WNT11: variants seen among roughly 807,000 people sequenced by gnomAD.
The protein encoded by WNT11 is protein Wnt-11.
In WNT11, 20 loss-of-function variants were observed where a neutral mutation model predicts 35.6. That is an observed-to-expected ratio of 0.56 (90% CI 0.40 to 0.82). The LOEUF (loss-of-function observed/expected upper bound fraction) is 0.82. Ranked by LOEUF, WNT11 falls within the 40% of genes least tolerant of loss-of-function variation. The pLI is 0.00. For synonymous variants in WNT11, 200 were observed against 211.9 expected (o/e 0.94, Z 0.49); for missense variants, 459 against 504.4 (o/e 0.91, Z 0.86).
At chr11:76,201,839 G>T (rs142119841) in intron 1 of WNT11, among the ~76,000 whole-genome samples, 4 of 152,302 alleles carry the variant, frequency 2.6e-5, no homozygotes, top group Non-Finnish European at 5.9e-5. Context: ...TGACTTCACT[G>T]AGGTATTTTC....
upstream of WNT11, chr11:76,206,729 G>A (rs113636438): frequency 4.3e-5 from 10 of 232,674 alleles, no homozygotes; most frequent in African/African-American, 2.1e-4. Flanking sequence ...GAGCCCCTCT[G>A]GCCGGGGCAG....
chr11:76,210,661 C>T (rs1199067414), upstream of WNT11: 2 of 985,126 alleles, frequency 2.0e-6, no homozygotes, highest in African/African-American at 3.5e-5. Flanking sequence ...AGGACCCGCG[C>T]GGAGTCAGGC....
At chr11:76,195,790 C>A (rs1003794789) in intron 2 of WNT11, among the ~76,000 whole-genome samples, 1 of 152,220 alleles carries the variant, frequency 6.6e-6, no homozygotes, top group Non-Finnish European at 1.5e-5. Flanking sequence ...TAACAGCTAC[C>A]TCACAGGCTG....
At chr11:76,197,904 C>G (rs58198198) in intron 1 of WNT11, among the ~76,000 whole-genome samples, 1 of 152,208 alleles carries the variant, frequency 6.6e-6, no homozygotes, top group Non-Finnish European at 1.5e-5. Context: ...AGTGCCCCCA[C>G]CCACAGCAGA....
At chr11:76,191,532 C>T in intron 4 of WNT11, 32 bp downstream of exon 4, 2 of 1,596,786 alleles carry the variant, frequency 1.3e-6, no homozygotes, top group Middle Eastern at 1.7e-4. Context: ...ACACCAGTGA[C>T]CCTTTCCCAC....
chr11:76,203,545 C>T (rs528290742), intron 1 of WNT11, among the ~76,000 whole-genome samples: 21 of 152,332 alleles, frequency 1.4e-4, no homozygotes, highest in African/African-American at 4.6e-4. Context: ...CCTGGGACCC[C>T]GAATACTTGA....
intron 4 of WNT11, among the ~76,000 whole-genome samples, chr11:76,190,271 C>G (rs543879780): frequency 1.5e-4 from 23 of 152,236 alleles, no homozygotes; most frequent in African/African-American, 5.1e-4. Flanking sequence ...CAGGAAGACC[C>G]TTTCTTCACT....
At chr11:76,210,395 C>A (rs1319415098), upstream of WNT11, 3 of 980,396 alleles carry the variant, frequency 3.1e-6, no homozygotes, top group African/African-American at 5.3e-5. Flanking sequence ...GAAGCGTCGT[C>A]CCCCTCGGAC....
chr11:76,193,436 G>A (rs1953217393), intron 3 of WNT11, among the ~76,000 whole-genome samples: 1 of 152,222 alleles, frequency 6.6e-6, no homozygotes. Context: ...CGTGGCCATG[G>A]TGGTGGGCGT....
Position 76,194,547 on chromosome 11 carries a change from T to C in WNT11, c.597+20A>G. 1.8e-6 allele frequency: 1 copy of C among 566,644 alleles called. No individual in the cohort carries two copies. The highest frequency in any genetic ancestry group is 2.7e-6 in the Non-Finnish European group (1 of 374,426). 35.1% of individuals were successfully genotyped at this position (566,644 alleles called of 1,614,324 possible). A position where few individuals can be genotyped will look rare whatever the true frequency, so the allele number is the denominator to read the frequency against. On this transcript the variant is annotated intron_variant, in intron 3 of 4. Coordinates refer to ENST00000322563, the MANE Select transcript of WNT11 (RefSeq NM_004626.3). The surrounding 1 kb of genome is among the most constrained non-coding windows in gnomAD (Gnocchi z 5.4). The stretch of plus-strand genomic sequence containing the variant: ...TGGCACAAGCACAACTATCTGGGGG[T>C]GGGTGGGGTGGGTGGTTACCTGTCT...
chr11:76,189,707 C>T (rs941085579), intron 4 of WNT11, among the ~76,000 whole-genome samples: 1 of 152,156 alleles, frequency 6.6e-6, no homozygotes, highest in Admixed American at 6.5e-5. Flanking sequence ...CTCTGGGCTC[C>T]CTTCACACCA....
Position 76,196,331 on chromosome 11 carries a change from C to T in WNT11, c.319+152G>A, listed in dbSNP as rs1263520934. 26 of 855,806 alleles carry T rather than the reference C, an allele frequency of 3.0e-5. No individual in the cohort carries two copies. The Admixed American group carries it at 4.7e-4, about 15-fold the overall frequency. The allele number at this position is 855,806 out of a possible 1,614,324, so 53.0% of individuals were successfully genotyped here. A position where few individuals can be genotyped will look rare whatever the true frequency, so the allele number is the denominator to read the frequency against. On this transcript the variant is annotated intron_variant, in intron 2 of 4. Coordinates refer to ENST00000322563, the MANE Select transcript of WNT11 (RefSeq NM_004626.3). Reference sequence around the variant, plus strand: ...ATGATTAATTCATCCACCCATACCCCATCCATCCATGCCTGTATCCACCCG... The same window carrying T: ...ATGATTAATTCATCCACCCATACCCTATCCATCCATGCCTGTATCCACCCG...
chr11:76,187,760 A>C (rs1953120677), intron 4 of WNT11, among the ~76,000 whole-genome samples: 1 of 152,262 alleles, frequency 6.6e-6, no homozygotes, highest in Admixed American at 6.5e-5. Flanking sequence ...CTAGGATTAC[A>C]GGCATGAGCT....
At chr11:76,187,297 C>T in intron 4 of WNT11, 58 bp from the exon 5 acceptor site, 3 of 1,519,908 alleles carry the variant, frequency 2.0e-6, no homozygotes, top group South Asian at 1.2e-5. Context: ...CCACCAACAC[C>T]CCATGACTCC....
intron 1 of WNT11, among the ~76,000 whole-genome samples, chr11:76,204,951 G>A (rs954615622): frequency 1.6e-4 from 24 of 152,102 alleles, no homozygotes; most frequent in African/African-American, 4.8e-4. Context: ...AAATGGTGGC[G>A]GTGGATGAGA....
intron 3 of WNT11, among the ~76,000 whole-genome samples, chr11:76,193,487 AG>A (rs1477045068): frequency 1.3e-5 from 2 of 152,206 alleles, no homozygotes; most frequent in Non-Finnish European, 2.9e-5. Flanking sequence ...TTTCATGAGC[AG>A]GGGTAGGGGA....
intron 3 of WNT11, among the ~76,000 whole-genome samples, 179 bp from the exon 4 acceptor site, chr11:76,192,035 TG>T (rs1340047880): frequency 6.6e-6 from 1 of 151,930 alleles, no homozygotes; most frequent in African/African-American, 2.4e-5. Context: ...CCTGCAACCG[TG>T]GGGGGCACAG....
At chr11:76,206,612 GT>G, upstream of WNT11, 1 of 1,111,066 alleles carries the variant, frequency 9.0e-7, no homozygotes, top group Non-Finnish European at 1.1e-6. Context: ...CGCGGCGGGC[GT>G]CCCCTCCCGC....
rs1252253612 is a variant in WNT11, at chr11:76,194,545, G to A, written c.597+22C>T. The A allele has an allele frequency of 6.5e-7, 1 of 1,532,462 alleles. No homozygotes were observed. Among genetic ancestry groups the A allele is most frequent in the East Asian group, 2.5e-5 (1 of 40,624 alleles). The allele number at this position is 1,532,462 out of a possible 1,614,324, so 94.9% of individuals were successfully genotyped here. ...AATGGCACAAGCACAACTATCTGGG[G>A]GTGGGTGGGGTGGGTGGTTACCTGT... On this transcript the variant is annotated intron_variant, in intron 3 of 4. Coordinates refer to ENST00000322563, the MANE Select transcript of WNT11 (RefSeq NM_004626.3). The surrounding 1 kb of genome is among the most constrained non-coding windows in gnomAD (Gnocchi z 5.4).
Sources: allele counts gnomAD v4.1 joint callset (sites outside exome capture counted in the v4.1 genomes callset), GRCh38; gene constraint gnomAD v4.1.1; non-coding constraint Gnocchi (gnomAD v3.1); transcripts MANE v1.5; gene names NCBI Gene and HGNC (gene_info 2026-07-23, HGNC 2026-07-21).